NAALADL2: variants seen among roughly 807,000 people sequenced by gnomAD.
NAALADL2 encodes the protein N-acetylated alpha-linked acidic dipeptidase like 2.
In NAALADL2, 76 loss-of-function variants were observed where a neutral mutation model predicts 87.2. That is an observed-to-expected ratio of 0.87 (90% CI 0.72 to 1.05). NAALADL2 has a LOEUF of 1.05. Ranked by LOEUF, NAALADL2 falls within the 50% of genes least tolerant of loss-of-function variation. The pLI is 0.00. For synonymous variants in NAALADL2, 354 were observed against 331.0 expected (o/e 1.07, Z -0.75); for missense variants, 1,089 against 945.8 (o/e 1.15, Z -1.99).
chr3:175,710,402 A>G (rs1279908667), intron 11 of NAALADL2, among the ~76,000 whole-genome samples: 1 of 151,986 alleles, frequency 6.6e-6, no homozygotes, highest in Non-Finnish European at 1.5e-5. Flanking sequence ...TATTGAACGC[A>G]AAAAAGGCCA....
rs1323234579 is a variant in NAALADL2 at position 175,652,539 on chromosome 3, T to C, written c.1896+25153T>C. On this transcript the variant is annotated intron_variant, in intron 11 of 13. Coordinates refer to ENST00000454872, the MANE Select transcript of NAALADL2 (RefSeq NM_207015.3). The stretch of plus-strand genomic sequence containing the variant: ...TGTCGCCCAGGCTGGAGTGCAGTGG[T>C]GCCATCTCGGCTCACTGCAAGCTCC... 1.4e-3 allele frequency among the ~76,000 whole-genome samples: 205 copies of C among 147,748 alleles called. 1 individual carries two copies. The highest frequency in any genetic ancestry group is 4.8e-3 in the African/African-American group (191 of 39,864).
At chr3:175,424,491 C>T (rs1581827292) in intron 5 of NAALADL2, among the ~76,000 whole-genome samples, 1 of 152,248 alleles carries the variant, frequency 6.6e-6, no homozygotes, top group East Asian at 1.9e-4. Context: ...AGCCAGTTTT[C>T]CCAGCACCAT....
At chr3:174,625,057 CTTTTTT>C (rs1553802468) in intron 2 of NAALADL2, among the ~76,000 whole-genome samples, 3 of 78,858 alleles carry the variant, frequency 3.8e-5, no homozygotes, top group Non-Finnish European at 6.6e-5. Flanking sequence ...CTCTCTCTCT[CTTTTTT>C]TTTTTTTTTT....
intron 13 of NAALADL2, among the ~76,000 whole-genome samples, chr3:175,776,888 G>T (rs963197148): frequency 4.6e-5 from 7 of 151,944 alleles, no homozygotes; most frequent in Non-Finnish European, 1.0e-4. Flanking sequence ...AATACCTGCT[G>T]GTTCAACCCT....
intron 9 of NAALADL2, among the ~76,000 whole-genome samples, chr3:175,496,014 C>T (rs1170644559): frequency 6.6e-6 from 1 of 152,078 alleles, no homozygotes; most frequent in Non-Finnish European, 1.5e-5. Flanking sequence ...ATTCAAGTGC[C>T]ATCTACTCTA....
At chr3:175,769,955 T>A (rs973152165) in intron 13 of NAALADL2, among the ~76,000 whole-genome samples, 1 of 147,114 alleles carries the variant, frequency 6.8e-6, no homozygotes, top group Non-Finnish European at 1.5e-5. Flanking sequence ...TAAGGCAGAT[T>A]TTTTTTTTCT....
Position 174,651,771 on chromosome 3 carries a change from C to T in NAALADL2, c.-114-85870C>T, listed in dbSNP as rs376520101. On this transcript the variant is annotated intron_variant, in intron 2 of 3. Coordinates refer to the NAALADL2 transcript ENST00000434257. ...TTCTATTTTCTAATAACTGCCCACT[C>T]AAAGTTTGAATTACTGGCTTCTGCC... Among the ~76,000 whole-genome samples, 20 of 152,276 alleles carry T rather than the reference C, an allele frequency of 1.3e-4. No homozygotes were observed. The East Asian group carries it at 3.7e-3, about 28-fold the overall frequency.
At chr3:175,484,170 A>G (rs766007850) in intron 9 of NAALADL2, among the ~76,000 whole-genome samples, 1 of 152,146 alleles carries the variant, frequency 6.6e-6, no homozygotes, top group Non-Finnish European at 1.5e-5. Flanking sequence ...TCTTACTTTG[A>G]AAGTTTATCT....
At chr3:175,100,758 G>GA (rs1722005651) in intron 2 of NAALADL2, among the ~76,000 whole-genome samples, 1 of 148,284 alleles carries the variant, frequency 6.7e-6, no homozygotes, top group Admixed American at 6.9e-5. Flanking sequence ...AGAATCGCTT[G>GA]AACTCGGGAG....
intron 5 of NAALADL2, among the ~76,000 whole-genome samples, chr3:175,328,808 A>G (rs1291163022): frequency 2.0e-5 from 3 of 152,224 alleles, no homozygotes; most frequent in Non-Finnish European, 1.5e-5. Flanking sequence ...TACATAGGGT[A>G]AGACCCAAAA....
intron 13 of NAALADL2, among the ~76,000 whole-genome samples, chr3:175,776,863 T>G (rs948666370): frequency 2.0e-5 from 3 of 152,130 alleles, no homozygotes; most frequent in African/African-American, 7.2e-5. Context: ...AACAATGTCT[T>G]TATTATGCTC....
At chr3:175,504,510 G>T (rs1330784025) in intron 9 of NAALADL2, among the ~76,000 whole-genome samples, 1 of 151,960 alleles carries the variant, frequency 6.6e-6, no homozygotes, top group Non-Finnish European at 1.5e-5. Context: ...TGATAGGATT[G>T]TGGCTTTACG....
chr3:175,305,653 G>T (rs1219606752), intron 4 of NAALADL2, among the ~76,000 whole-genome samples: 2 of 152,018 alleles, frequency 1.3e-5, no homozygotes, highest in African/African-American at 4.8e-5. Context: ...CTCCCGAGTA[G>T]CTGGGATTAC....
In NAALADL2 at chr3:175,538,327, G is replaced by C. The variant is rs188786926; in HGVS notation, c.1654-37714G>C. On this transcript the variant is annotated intron_variant, in intron 9 of 13. Transcript: ENST00000454872. ...ATTATTTTAAGAAAACCTAAAACAG[G>C]GTATAAAATATTAACATTTTTTCCT... 1.3e-3 allele frequency among the ~76,000 whole-genome samples: 190 copies of C among 151,288 alleles called. 1 individual carries two copies. Among genetic ancestry groups the C allele is most frequent in the Non-Finnish European group, 1.5e-3 (101 of 67,808 alleles).
At chr3:174,742,727 T>C (rs1230126975) in intron 3 of NAALADL2, among the ~76,000 whole-genome samples, 1 of 151,498 alleles carries the variant, frequency 6.6e-6, no homozygotes, top group Non-Finnish European at 1.5e-5. Flanking sequence ...AATATTTTAA[T>C]GATGTTTCTG....
chr3:175,241,058 A>T (rs1348999987), intron 3 of NAALADL2, among the ~76,000 whole-genome samples: 7 of 152,176 alleles, frequency 4.6e-5, no homozygotes, highest in Non-Finnish European at 1.0e-4. Flanking sequence ...ACAGTGCACA[A>T]GTGTGAGATA....
Position 175,088,878 on chromosome 3 carries a change from C to T in NAALADL2, c.44-7912C>T, listed in dbSNP as rs112953678. Among the ~76,000 whole-genome samples, 1,047 of 152,236 alleles carry T rather than the reference C, an allele frequency of 6.9e-3. 19 individuals are homozygous for T. Among genetic ancestry groups the T allele is most frequent in the African/African-American group, 0.024 (1,011 of 41,560 alleles). ...GACACACTTTGAAGCCTTCTTTTTC[C>T]AGTGTAAACTACACATAGTAGGGAG... On this transcript the variant is annotated intron_variant, in intron 1 of 13. Transcript: ENST00000454872.
chr3:174,831,207 C>T (rs1273016951), intron 3 of NAALADL2, among the ~76,000 whole-genome samples: 1 of 151,778 alleles, frequency 6.6e-6, no homozygotes, highest in African/African-American at 2.4e-5. Context: ...GGAATGCTTC[C>T]AGCTTTTGCC....
At position 174,813,765 on chromosome 3, in the gene NAALADL2, A is replaced by G. The variant is rs928407343; in HGVS notation, c.-9+76019A>G. Among the ~76,000 whole-genome samples the G allele has an allele frequency of 3.9e-5, 6 of 152,160 alleles. No individual in the cohort carries two copies. In the South Asian group the frequency reaches 6.2e-4, roughly 16 times the overall value. ...CTACAACCTTGAACTCCTGGGCTCA[A>G]GCAATCCTCCTGAATCAACCTCTTA... is the stretch of plus-strand genomic sequence containing the variant. On this transcript the variant is annotated intron_variant, in intron 3 of 3. Transcript: ENST00000434257.
Sources: gnomAD v4.1 joint callset for allele counts (sites outside exome capture counted in the v4.1 genomes callset) on GRCh38, gnomAD v4.1.1 for gene constraint, MANE v1.5 for transcripts, NCBI Gene and HGNC (gene_info 2026-07-23, HGNC 2026-07-21) for gene names.